SIK3: variants seen among roughly 807,000 people sequenced by gnomAD.
The protein encoded by SIK3 is SIK family kinase 3.
A neutral mutation model predicts 144.2 loss-of-function variants in SIK3; 28 were observed. The observed-to-expected ratio is 0.19, with a 90% CI of 0.14 to 0.27. The LOEUF is 0.27. Among genes scored for constraint, SIK3 ranks in the 10% least tolerant of loss-of-function variants. The probability of loss-of-function intolerance (pLI) is 1.00; values close to 1 mark genes in which losing one functional copy is unlikely to be tolerated. For missense variants in SIK3, 1,319 were observed against 1,776.0 expected, an observed-to-expected ratio of 0.74 and a Z score of 4.62; for synonymous variants, 686 against 676.3, an observed-to-expected ratio of 1.01 and a Z score of -0.22.
intron 3 of SIK3, among the ~76,000 whole-genome samples, chr11:116,939,109 A>G (rs1406788271): frequency 6.6e-6 from 1 of 152,200 alleles, no homozygotes; most frequent in African/African-American, 2.4e-5. Flanking sequence ...TGTTGAATGA[A>G]TGAGAGAATT....
intron 1 of SIK3, among the ~76,000 whole-genome samples, chr11:116,988,259 G>A (rs975817977): frequency 6.6e-6 from 1 of 151,950 alleles, no homozygotes; most frequent in African/African-American, 2.4e-5. Context: ...GGTGGCAGGC[G>A]CCTGTAGTCC....
intron 1 of SIK3, among the ~76,000 whole-genome samples, chr11:117,077,052 A>T (rs1269785348): frequency 1.3e-5 from 2 of 152,194 alleles, no homozygotes; most frequent in Non-Finnish European, 2.9e-5. Flanking sequence ...GCTATTCAGG[A>T]AACTGAGATG....
At chr11:116,862,106 C>A in intron 17 of SIK3, 96 bp downstream of exon 17, 1 of 1,557,280 alleles carries the variant, frequency 6.4e-7, no homozygotes. Context: ...ACCTCAAATC[C>A]ACTTTGCACT....
chr11:117,002,472 T>C (rs75216082), intron 1 of SIK3, among the ~76,000 whole-genome samples: 3,738 of 152,252 alleles, frequency 0.025, 84 homozygotes, highest in South Asian at 0.11. Flanking sequence ...AGTCTCCACC[T>C]GCCCAAAATA....
chr11:117,023,826 G>A (rs1048272739), intron 1 of SIK3, among the ~76,000 whole-genome samples: 3 of 151,328 alleles, frequency 2.0e-5, no homozygotes, highest in Non-Finnish European at 4.4e-5. Context: ...ACAGATGTGC[G>A]CCACCGTGGC....
chr11:117,085,441 T>C (rs61903417), intron 1 of SIK3, among the ~76,000 whole-genome samples: 1 of 151,990 alleles, frequency 6.6e-6, no homozygotes, highest in Non-Finnish European at 1.5e-5. Flanking sequence ...GGTTTGGTTT[T>C]GTTTGTTTGT....
At chr11:117,010,691 C>G (rs1565553012) in intron 1 of SIK3, among the ~76,000 whole-genome samples, 1 of 151,814 alleles carries the variant, frequency 6.6e-6, no homozygotes, top group Non-Finnish European at 1.5e-5. Flanking sequence ...TAAATAACCC[C>G]ACTTCATTAA....
chr11:116,986,604 T>C (rs1447734318), intron 1 of SIK3, among the ~76,000 whole-genome samples: 1 of 152,184 alleles, frequency 6.6e-6, no homozygotes, highest in East Asian at 1.9e-4. Context: ...CACCCAATCT[T>C]TCCTTTACTC....
chr11:116,929,389 G>A (rs1275031062), intron 3 of SIK3, among the ~76,000 whole-genome samples: 1 of 152,218 alleles, frequency 6.6e-6, no homozygotes, highest in Non-Finnish European at 1.5e-5. Flanking sequence ...TTGTCTGGCA[G>A]TAAATACTAA....
intron 1 of SIK3, among the ~76,000 whole-genome samples, chr11:117,085,692 A>G (rs1954973343): frequency 6.6e-6 from 1 of 152,180 alleles, no homozygotes; most frequent in African/African-American, 2.4e-5. Flanking sequence ...TTTTTAAAAG[A>G]GTAATGCATG....
intron 3 of SIK3, among the ~76,000 whole-genome samples, chr11:116,951,700 C>T (rs1271835954): frequency 1.3e-5 from 2 of 152,010 alleles, no homozygotes; most frequent in Non-Finnish European, 2.9e-5. Flanking sequence ...TTTGGGAGGC[C>T]AAGGCAGGAG....
At chr11:116,977,648 T>C (rs2135495521) in intron 1 of SIK3, among the ~76,000 whole-genome samples, 1 of 152,170 alleles carries the variant, frequency 6.6e-6, no homozygotes, top group Non-Finnish European at 1.5e-5. Flanking sequence ...GTGCTTCTGC[T>C]CCTGAACAAA....
chr11:116,953,962 G>T, intron 3 of SIK3, 82 bp downstream of exon 3: 1 of 1,047,724 alleles, frequency 9.5e-7, no homozygotes, highest in Non-Finnish European at 1.5e-6. Context: ...TGCTGCTCAA[G>T]TGACAAAGGC....
chr11:116,872,380 G>A (rs1944014021), intron 13 of SIK3, among the ~76,000 whole-genome samples: 1 of 152,136 alleles, frequency 6.6e-6, no homozygotes, highest in Admixed American at 6.5e-5. Context: ...GAATGCCTCT[G>A]CCACCTAATT....
intron 1 of SIK3, among the ~76,000 whole-genome samples, chr11:117,077,351 C>T (rs1453186855): frequency 2.0e-5 from 3 of 152,150 alleles, no homozygotes; most frequent in South Asian, 4.1e-4. Flanking sequence ...CCTTGGTCCT[C>T]GCTTTCTGGT....
At chr11:116,986,936 G>A (rs11216217) in intron 1 of SIK3, among the ~76,000 whole-genome samples, 11,025 of 152,180 alleles carry the variant, frequency 0.072, 495 homozygotes, top group Middle Eastern at 0.11. Context: ...GAAACAGAAA[G>A]CAGAATGGTG....
intron 1 of SIK3, among the ~76,000 whole-genome samples, chr11:116,959,936 C>T (rs1949280445): frequency 6.6e-6 from 1 of 152,066 alleles, no homozygotes; most frequent in African/African-American, 2.4e-5. Context: ...TGAAATGTCA[C>T]CAACAGAAAG....
intron 21 of SIK3, among the ~76,000 whole-genome samples, chr11:116,851,307 A>G (rs1380695138): frequency 6.6e-6 from 1 of 152,216 alleles, no homozygotes; most frequent in African/African-American, 2.4e-5. Context: ...TCTTGGTGGG[A>G]CTAAGTTTAA....
chr11:116,850,085 T>C (rs1052359644), intron 21 of SIK3, among the ~76,000 whole-genome samples: 6 of 152,226 alleles, frequency 3.9e-5, no homozygotes, highest in Non-Finnish European at 8.8e-5. Flanking sequence ...CCACTATTGA[T>C]TCCTTACTCC....
Sources: allele counts gnomAD v4.1 joint callset (sites outside exome capture counted in the v4.1 genomes callset), GRCh38; gene constraint gnomAD v4.1.1; transcripts MANE v1.5; gene names NCBI Gene and HGNC (gene_info 2026-07-23, HGNC 2026-07-21).